PARN: variants seen among roughly 807,000 people sequenced by gnomAD.
PARN encodes the protein poly(A)-specific ribonuclease.
In PARN, 71 loss-of-function variants were observed where a neutral mutation model predicts 102.8. The ratio of observed to expected loss-of-function variants is 0.69; its 90% CI spans 0.57 to 0.84. The LOEUF is 0.84. PARN is among the 40% of genes least tolerant of loss of function. The probability of loss-of-function intolerance (pLI) is 0.00; values close to 1 mark genes in which losing one functional copy is unlikely to be tolerated. For missense variants in PARN, 782 were observed against 760.9 expected (o/e 1.03, Z -0.33); for synonymous variants, 261 against 252.9 (o/e 1.03, Z -0.30).
intron 21 of PARN, among the ~76,000 whole-genome samples, chr16:14,529,743 C>T (rs1276936120): frequency 1.3e-5 from 2 of 152,136 alleles, no homozygotes; most frequent in Admixed American, 6.5e-5. Flanking sequence ...ATGGTTCTAA[C>T]GAGGACTATC....
At chr16:14,508,219 G>C (rs1261907453) in intron 21 of PARN, among the ~76,000 whole-genome samples, 1 of 152,034 alleles carries the variant, frequency 6.6e-6, no homozygotes, top group Non-Finnish European at 1.5e-5. Flanking sequence ...TACATGGATA[G>C]ATACATAGAT....
intron 21 of PARN, among the ~76,000 whole-genome samples, chr16:14,518,098 G>T (rs1965544156): frequency 6.6e-6 from 1 of 151,438 alleles, no homozygotes; most frequent in South Asian, 2.1e-4. Context: ...GTAGCCCTTA[G>T]AACAAAAATT....
chr16:14,462,741 G>A (rs1181930929), intron 22 of PARN, among the ~76,000 whole-genome samples: 2 of 152,208 alleles, frequency 1.3e-5, no homozygotes, highest in African/African-American at 2.4e-5. Flanking sequence ...TAGCATGTTT[G>A]AATGCAAAGA....
At chr16:14,596,261 T>TG (rs1970503767) in intron 12 of PARN, among the ~76,000 whole-genome samples, 1 of 151,806 alleles carries the variant, frequency 6.6e-6, no homozygotes, top group Admixed American at 6.6e-5. Flanking sequence ...CAGAAAAGGA[T>TG]GGGGGGCTTG....
intron 22 of PARN, among the ~76,000 whole-genome samples, chr16:14,457,730 G>A (rs1472961066): frequency 2.7e-5 from 4 of 149,492 alleles, no homozygotes; most frequent in African/African-American, 9.9e-5. Context: ...CCTGGGAGGC[G>A]GAGGTTGCAG....
intron 13 of PARN, chr16:14,591,800 G>C (rs1455465050): frequency 6.6e-6 from 1 of 152,220 alleles, no homozygotes; most frequent in Non-Finnish European, 1.5e-5. Flanking sequence ...CACTTTAGGA[G>C]GCTGAGGCGG....
At chr16:14,536,502 T>C (rs1966612055) in intron 21 of PARN, among the ~76,000 whole-genome samples, 2 of 152,000 alleles carry the variant, frequency 1.3e-5, no homozygotes, top group African/African-American at 4.8e-5. Flanking sequence ...TTCCAGAGAG[T>C]GAATTATGAC....
chr16:14,438,128 A>G (rs1250266606), intron 23 of PARN, among the ~76,000 whole-genome samples: 1 of 152,172 alleles, frequency 6.6e-6, no homozygotes, highest in Non-Finnish European at 1.5e-5. Flanking sequence ...AAAAGGACTC[A>G]TGGGGTCCAG....
chr16:14,464,123 A>G (rs11862817), intron 22 of PARN, among the ~76,000 whole-genome samples: 1 of 152,186 alleles, frequency 6.6e-6, no homozygotes, highest in Non-Finnish European at 1.5e-5. Flanking sequence ...GATTACAGGC[A>G]TGAGCCACTG....
At chr16:14,602,149 A>T (rs1970911072) in intron 11 of PARN, 1 of 151,818 alleles carries the variant, frequency 6.6e-6, no homozygotes, top group Non-Finnish European at 1.5e-5. Flanking sequence ...ATTATAGTTT[A>T]AAAAACTACT....
rs77985941 is a variant in PARN, at chr16:14,576,474, G to T, written c.1262+4400C>A. Among the ~76,000 whole-genome samples the T allele has an allele frequency of 2.0e-3, 305 of 152,300 alleles. 2 individuals are homozygous for T. Among genetic ancestry groups the T allele is most frequent in the Admixed American group, 0.012 (183 of 15,294 alleles). On this transcript the variant is annotated intron_variant, in intron 18 of 23. Coordinates refer to ENST00000437198, the MANE Select transcript of PARN (RefSeq NM_002582.4). ...AGGGTCAAGGTGTCTTGACAATACCGAAGACAGTTAACAAAACATAAGGCA... is the reference window on the plus strand; with the variant it reads ...AGGGTCAAGGTGTCTTGACAATACCTAAGACAGTTAACAAAACATAAGGCA...
At chr16:14,606,212 C>G (rs975041095) in intron 10 of PARN, among the ~76,000 whole-genome samples, 2 of 152,132 alleles carry the variant, frequency 1.3e-5, no homozygotes, top group East Asian at 3.9e-4. Context: ...CTAGCCTGGG[C>G]AACAGGGCGA....
At chr16:14,448,456 TTTTG>T (rs1961300139) in intron 22 of PARN, among the ~76,000 whole-genome samples, 1 of 151,786 alleles carries the variant, frequency 6.6e-6, no homozygotes, top group African/African-American at 2.4e-5. Flanking sequence ...CTCTGCTAAT[TTTTG>T]TATTTTTAGT....
intron 21 of PARN, among the ~76,000 whole-genome samples, chr16:14,486,404 T>C (rs1364460714): frequency 6.6e-6 from 1 of 152,134 alleles, no homozygotes; most frequent in Non-Finnish European, 1.5e-5. Flanking sequence ...TAATTTGGAT[T>C]ACCAAGTAGG....
chr16:14,536,847 A>T (rs543492738), intron 21 of PARN, among the ~76,000 whole-genome samples: 2 of 152,226 alleles, frequency 1.3e-5, no homozygotes, highest in Non-Finnish European at 2.9e-5. Flanking sequence ...AAACTACTAG[A>T]AGAAAACATT....
At chr16:14,603,244 T>A (rs1970984122) in intron 11 of PARN, among the ~76,000 whole-genome samples, 1 of 152,156 alleles carries the variant, frequency 6.6e-6, no homozygotes, top group Non-Finnish European at 1.5e-5. Flanking sequence ...TGGCACCTTT[T>A]GTTTCTGCGT....
At chr16:14,572,157 G>A (rs1295839622) in intron 18 of PARN, among the ~76,000 whole-genome samples, 5 of 152,134 alleles carry the variant, frequency 3.3e-5, no homozygotes, top group East Asian at 3.8e-4. Flanking sequence ...AAGGTTAAGC[G>A]AGGGCTTCCC....
chr16:14,557,044 T>C (rs1033259564), intron 18 of PARN, among the ~76,000 whole-genome samples: 2 of 152,258 alleles, frequency 1.3e-5, no homozygotes, highest in Non-Finnish European at 2.9e-5. Flanking sequence ...CTCTCTGTCA[T>C]GCCATTCAAT....
intron 18 of PARN, among the ~76,000 whole-genome samples, chr16:14,573,313 C>T (rs968085542): frequency 3.9e-5 from 6 of 152,050 alleles, no homozygotes; most frequent in Non-Finnish European, 8.8e-5. Context: ...TCACTTTTTG[C>T]AGTGAAAACA....
Sources: allele counts gnomAD v4.1 joint callset (sites outside exome capture counted in the v4.1 genomes callset), GRCh38; gene constraint gnomAD v4.1.1; transcripts MANE v1.5; gene names NCBI Gene and HGNC (gene_info 2026-07-23, HGNC 2026-07-21).